The following CUL5 variants were observed in gnomAD, a reference collection of about 807,000 sequenced individuals.
CUL5 encodes cullin-5.
Under a neutral mutation model 108.8 loss-of-function variants are expected in CUL5, and 26 were observed. The observed-to-expected ratio is 0.24, with a 90% CI of 0.18 to 0.33. The LOEUF is 0.33. Ranked by LOEUF, CUL5 falls within the 10% of genes least tolerant of loss-of-function variation. CUL5 has a pLI of 1.00. For synonymous variants in CUL5, 334 were observed against 298.0 expected (o/e 1.12, Z -1.25); for missense variants, 524 against 909.2 (o/e 0.58, Z 5.45).
At chr11:108,034,344 C>G (rs1052819094) in intron 2 of CUL5, among the ~76,000 whole-genome samples, 45 of 152,152 alleles carry the variant, frequency 3.0e-4, no homozygotes, top group African/African-American at 1.1e-3. Context: ...GGGGGCTGGT[C>G]ACATAGGCAG....
intron 7 of CUL5, among the ~76,000 whole-genome samples, chr11:108,057,724 ATAGGAGAAGGATAT>A (rs1419451500): frequency 1.3e-5 from 2 of 152,226 alleles, no homozygotes; most frequent in Non-Finnish European, 2.9e-5. Flanking sequence ...GGATCCTGGA[ATAGGAGAAGGATAT>A]TAGTGGAAAA....
chr11:108,018,306 T>C (rs890065283), intron 1 of CUL5, among the ~76,000 whole-genome samples: 3 of 152,188 alleles, frequency 2.0e-5, no homozygotes, highest in Non-Finnish European at 4.4e-5. Flanking sequence ...GGTATTCAAA[T>C]ATATACAATC....
chr11:108,012,849 G>T (rs1356036730), intron 1 of CUL5, among the ~76,000 whole-genome samples: 1 of 151,974 alleles, frequency 6.6e-6, no homozygotes, highest in African/African-American at 2.4e-5. Flanking sequence ...CGCCTACCTC[G>T]GCCACCCAAA....
intron 1 of CUL5, among the ~76,000 whole-genome samples, chr11:108,010,049 G>A (rs1450591704): frequency 2.0e-5 from 3 of 152,262 alleles, no homozygotes; most frequent in Non-Finnish European, 4.4e-5. Context: ...GTCAAAGACA[G>A]TATTTAAAGT....
At chr11:108,079,177 C>T (rs1024971088) in intron 11 of CUL5, among the ~76,000 whole-genome samples, 1 of 152,166 alleles carries the variant, frequency 6.6e-6, no homozygotes, top group Non-Finnish European at 1.5e-5. Context: ...GACCTCAGCT[C>T]ACTGCAACCT....
rs1408689387 is a variant in CUL5 at position 108,091,690 on chromosome 11, C to CTCAT, written c.1443+2070_1443+2071insTTCA. Among the ~76,000 whole-genome samples the CTCAT allele has an allele frequency of 3.9e-4, 46 of 118,078 alleles. 1 individual carries two copies. The highest frequency in any genetic ancestry group is 3.8e-3 in the Admixed American group (42 of 10,984). The allele number at this position is 118,078 out of a possible 152,430, so 77.5% of individuals were successfully genotyped here. A position where few individuals can be genotyped will look rare whatever the true frequency, so the allele number is the denominator to read the frequency against. On this transcript the variant is annotated intron_variant, in intron 13 of 18. Coordinates refer to ENST00000393094, the MANE Select transcript of CUL5 (RefSeq NM_003478.6). ...AGCAACAGAGTCAGATCCTGTCTCTCTCACTCACACACACACACACACACA... is the reference window on the plus strand; with the variant it reads ...AGCAACAGAGTCAGATCCTGTCTCTCTCATTCACTCACACACACACACACACACA...
Position 108,052,642 on chromosome 11 carries a change from T to A in CUL5, c.412-18T>A. On this transcript the variant is annotated intron_variant, in intron 4 of 18. Transcript: ENST00000393094. ...TAATAATTGAAAATTATGTTACAAT[T>A]TGTTCTTGTTTTCCTAGCTTATGCT... The A allele has an allele frequency of 1.3e-6, 2 of 1,581,348 alleles. No individual in the cohort carries two copies. Among genetic ancestry groups the A allele is most frequent in the Non-Finnish European group, 1.7e-6 (2 of 1,161,014 alleles).
chr11:108,032,878 A>G (rs998037891), intron 1 of CUL5, among the ~76,000 whole-genome samples: 32 of 151,698 alleles, frequency 2.1e-4, no homozygotes, highest in Admixed American at 5.3e-4. Context: ...CTCAGTTTTC[A>G]GAGTTTACAT....
chr11:108,024,426 AAAT>A (rs201325114), intron 1 of CUL5, among the ~76,000 whole-genome samples: 1,603 of 152,116 alleles, frequency 0.011, 27 homozygotes, highest in African/African-American at 0.037. Flanking sequence ...TTGTCTCAAA[AAAT>A]AATAATAATA....
chr11:108,010,489 G>A (rs1158547981), intron 1 of CUL5, among the ~76,000 whole-genome samples: 1 of 152,206 alleles, frequency 6.6e-6, no homozygotes, highest in Non-Finnish European at 1.5e-5. Context: ...CCTTTTAAAA[G>A]GGAGAGGGGC....
chr11:108,075,923 G>A (rs1863930733), intron 10 of CUL5, among the ~76,000 whole-genome samples: 1 of 152,124 alleles, frequency 6.6e-6, no homozygotes, highest in African/African-American at 2.4e-5. Context: ...TCCACCATCT[G>A]ACATAGTTAC....
intron 13 of CUL5, among the ~76,000 whole-genome samples, chr11:108,093,851 C>G (rs1038684999): frequency 1.3e-5 from 2 of 152,138 alleles, no homozygotes; most frequent in African/African-American, 4.8e-5. Flanking sequence ...GGCAGTATGC[C>G]GCCATATCCT....
chr11:108,059,041 G>A (rs1206640476), intron 7 of CUL5, among the ~76,000 whole-genome samples: 3 of 152,086 alleles, frequency 2.0e-5, no homozygotes, highest in Non-Finnish European at 1.5e-5. Flanking sequence ...TCGCTATGTT[G>A]CCCAGGCTGG....
intron 12 of CUL5, 113 bp downstream of exon 12, chr11:108,088,772 A>G: frequency 1.3e-6 from 1 of 797,256 alleles, no homozygotes; most frequent in Non-Finnish European, 1.8e-6. Flanking sequence ...TCTGTAAAGA[A>G]CTAATGTTAC....
intron 11 of CUL5, among the ~76,000 whole-genome samples, chr11:108,086,533 G>A (rs775680501): frequency 1.3e-5 from 2 of 152,196 alleles, no homozygotes; most frequent in Non-Finnish European, 2.9e-5. Flanking sequence ...GCATTGCAAG[G>A]AGAGATGGAT....
chr11:108,033,980 G>T, intron 2 of CUL5, 69 bp downstream of exon 2: 1 of 896,862 alleles, frequency 1.1e-6, no homozygotes, highest in Non-Finnish European at 1.8e-6. Context: ...ATACCCAAAT[G>T]GAATGTGTAA....
intron 18 of CUL5, among the ~76,000 whole-genome samples, chr11:108,102,782 C>T (rs1170189542): frequency 6.6e-6 from 1 of 152,192 alleles, no homozygotes; most frequent in East Asian, 1.9e-4. Context: ...TCTTTTACAA[C>T]AAACTCTAAT....
At chr11:108,100,271 G>A (rs561118381) in intron 18 of CUL5, among the ~76,000 whole-genome samples, 4 of 152,288 alleles carry the variant, frequency 2.6e-5, no homozygotes, top group Non-Finnish European at 1.5e-5. Context: ...GGCTCGGCGC[G>A]GTGGCTCACA....
chr11:108,044,351 AC>A (rs1863011979), intron 2 of CUL5, among the ~76,000 whole-genome samples: 1 of 151,432 alleles, frequency 6.6e-6, no homozygotes, highest in Non-Finnish European at 1.5e-5. Flanking sequence ...CCGTGTCTCT[AC>A]AAAAAATAAA....
Sources: gnomAD v4.1 joint callset for allele counts (sites outside exome capture counted in the v4.1 genomes callset) on GRCh38, gnomAD v4.1.1 for gene constraint, MANE v1.5 for transcripts, NCBI Gene and HGNC (gene_info 2026-07-23, HGNC 2026-07-21) for gene names.